Variants in LRMDA observed in about 807,000 individuals in gnomAD.
LRMDA encodes leucine-rich melanocyte differentiation-associated protein.
Under a neutral mutation model 29.8 loss-of-function variants are expected in LRMDA, and 18 were observed. The ratio of observed to expected loss-of-function variants is 0.60; its 90% CI spans 0.42 to 0.90. The LOEUF is 0.90. Among genes scored for constraint, LRMDA ranks in the 40% least tolerant of loss-of-function variants. The pLI is 0.00. For synonymous variants in LRMDA, 125 were observed against 109.4 expected (o/e 1.14, Z -0.89); for missense variants, 273 against 273.9 (o/e 1.00, Z 0.02).
intron 2 of LRMDA, among the ~76,000 whole-genome samples, chr10:75,667,901 C>G (rs757479750): frequency 2.4e-4 from 37 of 152,304 alleles, no homozygotes; most frequent in Middle Eastern, 3.4e-3. Flanking sequence ...GGATTAGAAG[C>G]TTTTGAATCA....
At chr10:76,170,795 T>C (rs377256602) in intron 5 of LRMDA, among the ~76,000 whole-genome samples, 2 of 152,226 alleles carry the variant, frequency 1.3e-5, no homozygotes, top group African/African-American at 4.8e-5. Flanking sequence ...AACTCTGGAC[T>C]GAAGTTCACC....
intron 2 of LRMDA, among the ~76,000 whole-genome samples, chr10:75,814,312 A>C (rs1208381879): frequency 6.6e-6 from 1 of 152,150 alleles, no homozygotes; most frequent in African/African-American, 2.4e-5. Context: ...ATTTTGGAGG[A>C]GATGAGTGCA....
intron 2 of LRMDA, among the ~76,000 whole-genome samples, chr10:75,862,858 A>G (rs140756968): frequency 1.7e-3 from 262 of 152,306 alleles, no homozygotes; most frequent in African/African-American, 6.1e-3. Context: ...TGGTGTCTAC[A>G]GCCTTAGAGG....
intron 2 of LRMDA, among the ~76,000 whole-genome samples, chr10:75,716,819 T>C (rs1842506200): frequency 6.6e-6 from 1 of 152,204 alleles, no homozygotes; most frequent in Non-Finnish European, 1.5e-5. Context: ...CAGTGTGGTG[T>C]GCAAGCTATC....
At chr10:76,509,651 T>C (rs935071968) in intron 6 of LRMDA, among the ~76,000 whole-genome samples, 2 of 152,142 alleles carry the variant, frequency 1.3e-5, no homozygotes, top group African/African-American at 4.8e-5. Context: ...CACTGAACAG[T>C]GGTTTGCAGG....
chr10:76,488,187 C>T (rs1476924235), intron 6 of LRMDA, among the ~76,000 whole-genome samples: 1 of 151,676 alleles, frequency 6.6e-6, no homozygotes, highest in African/African-American at 2.4e-5. Context: ...TTTTTCTTTT[C>T]CTTTTCTATA....
intron 5 of LRMDA, among the ~76,000 whole-genome samples, chr10:76,322,018 C>T (rs1447189219): frequency 6.6e-6 from 1 of 152,192 alleles, no homozygotes; most frequent in Non-Finnish European, 1.5e-5. Flanking sequence ...TTCATATTTA[C>T]TCAAATTTGC....
intron 4 of LRMDA, among the ~76,000 whole-genome samples, chr10:76,052,465 A>C (rs1444646905): frequency 1.3e-5 from 2 of 152,096 alleles, no homozygotes; most frequent in Non-Finnish European, 2.9e-5. Flanking sequence ...TGGGGATAAC[A>C]GTTACAGGCA....
At chr10:75,987,268 A>G (rs756792134) in intron 2 of LRMDA, among the ~76,000 whole-genome samples, 2 of 152,184 alleles carry the variant, frequency 1.3e-5, no homozygotes, top group Non-Finnish European at 2.9e-5. Context: ...AAAAATAAAT[A>G]TAAGGAGGAG....
intron 2 of LRMDA, among the ~76,000 whole-genome samples, chr10:75,586,330 C>G (rs1019146213): frequency 7.3e-6 from 1 of 136,604 alleles, no homozygotes; most frequent in Non-Finnish European, 1.6e-5. Flanking sequence ...TTCTTCACAT[C>G]TTCACCAACA....
chr10:75,476,980 T>C (rs1009590516), intron 2 of LRMDA, among the ~76,000 whole-genome samples: 3 of 151,792 alleles, frequency 2.0e-5, no homozygotes, highest in Non-Finnish European at 2.9e-5. Flanking sequence ...CCTCCTCCTC[T>C]TCTTTTCTCT....
intron 2 of LRMDA, among the ~76,000 whole-genome samples, chr10:76,025,847 A>T (rs1439173255): frequency 6.6e-6 from 1 of 152,220 alleles, no homozygotes; most frequent in Non-Finnish European, 1.5e-5. Flanking sequence ...ATTACCCTGC[A>T]TTATCTGGTA....
At chr10:76,050,936 C>T (rs1207234617) in intron 4 of LRMDA, among the ~76,000 whole-genome samples, 6 of 152,238 alleles carry the variant, frequency 3.9e-5, no homozygotes, top group Non-Finnish European at 4.4e-5. Flanking sequence ...AACCCTCTGT[C>T]GTTCATCCCC....
intron 5 of LRMDA, among the ~76,000 whole-genome samples, chr10:76,195,085 G>T (rs796412679): frequency 6.6e-6 from 1 of 152,132 alleles, no homozygotes; most frequent in East Asian, 1.9e-4. Flanking sequence ...TTCATCAAAA[G>T]TTGTGCCTAC....
At chr10:75,981,770 C>T (rs947141342) in intron 2 of LRMDA, among the ~76,000 whole-genome samples, 8 of 150,390 alleles carry the variant, frequency 5.3e-5, no homozygotes, top group East Asian at 3.9e-4. Context: ...GAGAATCACT[C>T]GAACGTGGGA....
intron 5 of LRMDA, among the ~76,000 whole-genome samples, chr10:76,240,271 G>A (rs1852247932): frequency 6.6e-6 from 1 of 151,068 alleles, no homozygotes; most frequent in Non-Finnish European, 1.5e-5. Context: ...ATGAAATAAT[G>A]GCATTTGCAG....
chr10:76,534,060 C>T (rs530597732), intron 6 of LRMDA, among the ~76,000 whole-genome samples: 3 of 152,084 alleles, frequency 2.0e-5, no homozygotes, highest in Non-Finnish European at 4.4e-5. Context: ...CTGTGCTTTG[C>T]CCCACAGGTC....
intron 5 of LRMDA, among the ~76,000 whole-genome samples, chr10:76,164,165 T>A (rs1191626724): frequency 6.6e-6 from 1 of 152,144 alleles, no homozygotes; most frequent in African/African-American, 2.4e-5. Context: ...AGGAATTTGC[T>A]CTAGGTCCCA....
intron 5 of LRMDA, among the ~76,000 whole-genome samples, chr10:76,256,070 G>A (rs931873687): frequency 3.9e-5 from 6 of 152,154 alleles, no homozygotes; most frequent in African/African-American, 1.4e-4. Flanking sequence ...TCCTGAAAGA[G>A]GGAACTCACC....
Sources: gnomAD v4.1 joint callset for allele counts (sites outside exome capture counted in the v4.1 genomes callset) on GRCh38, gnomAD v4.1.1 for gene constraint, MANE v1.5 for transcripts, NCBI Gene and HGNC (gene_info 2026-07-23, HGNC 2026-07-21) for gene names.